Variants in SEMA6A observed in about 807,000 individuals in gnomAD.
SEMA6A encodes the protein semaphorin-6A.
A neutral mutation model predicts 96.8 loss-of-function variants in SEMA6A; 25 were observed. The observed-to-expected ratio is 0.26, with a 90% CI of 0.19 to 0.36. The LOEUF is 0.36. Among genes scored for constraint, SEMA6A ranks in the 10% least tolerant of loss-of-function variants. SEMA6A has a pLI of 1.00. For missense variants in SEMA6A, 1,363 were observed against 1,323.1 expected (o/e 1.03, Z -0.47); for synonymous variants, 612 against 518.0 (o/e 1.18, Z -2.46).
intron 12 of SEMA6A, among the ~76,000 whole-genome samples, chr5:116,479,781 C>G (rs1487788050): frequency 6.6e-6 from 1 of 152,180 alleles, no homozygotes; most frequent in Non-Finnish European, 1.5e-5. Context: ...GTAATCATTT[C>G]CAACCAATCA....
At chr5:116,517,283 T>TA (rs1758714497) in intron 1 of SEMA6A, among the ~76,000 whole-genome samples, 1 of 144,218 alleles carries the variant, frequency 6.9e-6, no homozygotes, top group Non-Finnish European at 1.5e-5. Flanking sequence ...TTCCAAAATC[T>TA]AAAAAATTTC....
intron 17 of SEMA6A, 21 bp from the exon 18 acceptor site, chr5:116,467,768 G>T: frequency 6.2e-7 from 1 of 1,612,582 alleles, no homozygotes; most frequent in African/African-American, 1.3e-5. Flanking sequence ...CACAAATACA[G>T]TTAGGAAAAC....
rs558897754 is a variant in SEMA6A at position 116,491,757 on chromosome 5, T to C, written c.518A>G (p.Asn173Ser). The C allele has an allele frequency of 6.2e-7, 1 of 1,613,710 alleles. No individual in the cohort carries two copies. Among genetic ancestry groups the C allele is most frequent in the African/African-American group, 1.3e-5 (1 of 75,024 alleles). The change falls in exon 7 of 19, where the codon AAC becomes AGC. Residue 173 changes from asparagine to serine, a missense_variant. Coordinates refer to ENST00000343348, the MANE Select transcript of SEMA6A (RefSeq NM_020796.5). ...TCGCTTACCTGCAAACAGTGCAACG[T>C]TGGCATGTTTGGCATCATATGGGCA... ...ARCPYDAKHA[N>S]VALFADGKLY...
intron 1 of SEMA6A, among the ~76,000 whole-genome samples, chr5:116,547,896 A>G (rs1449110623): frequency 6.6e-6 from 1 of 152,184 alleles, no homozygotes; most frequent in Non-Finnish European, 1.5e-5. Context: ...GAGAGGAGCT[A>G]AAGTGCTTTT....
At chr5:116,490,347 C>G (rs1249014573) in intron 7 of SEMA6A, among the ~76,000 whole-genome samples, 1 of 152,010 alleles carries the variant, frequency 6.6e-6, no homozygotes, top group South Asian at 2.1e-4. Flanking sequence ...TCCTATAGCC[C>G]CGCCTTGGCC....
At chr5:116,475,835 G>C (rs1010067700) in intron 15 of SEMA6A, among the ~76,000 whole-genome samples, 5 of 152,128 alleles carry the variant, frequency 3.3e-5, no homozygotes, top group Admixed American at 2.6e-4. Context: ...ATATTATTCA[G>C]GGAGATAATT....
At chr5:116,556,575 G>A (rs1760615407) in intron 1 of SEMA6A, among the ~76,000 whole-genome samples, 1 of 152,102 alleles carries the variant, frequency 6.6e-6, no homozygotes. Context: ...TGAATATGAG[G>A]CACAGAGATG....
intron 1 of SEMA6A, among the ~76,000 whole-genome samples, chr5:116,555,923 A>G (rs1760588232): frequency 6.6e-6 from 1 of 152,184 alleles, no homozygotes; most frequent in Non-Finnish European, 1.5e-5. Context: ...TGTGTTTCCA[A>G]ATACACAATC....
In SEMA6A at chr5:116,488,877, T is replaced by G; in HGVS notation, c.655+11A>C. ...CCCCTCCGACCCTCCTTCTTTTAAT[T>G]GTTTGTTCACCTTTCAACCATTTTG... is the stretch of plus-strand genomic sequence containing the variant. On this transcript the variant is annotated intron_variant, in intron 8 of 18. Coordinates refer to ENST00000343348, the MANE Select transcript of SEMA6A (RefSeq NM_020796.5). The G allele has an allele frequency of 6.4e-6, 10 of 1,554,218 alleles. No homozygotes were observed. The highest frequency in any genetic ancestry group is 7.8e-6 in the Non-Finnish European group (9 of 1,148,046).
At chr5:116,548,091 T>C (rs1173082631) in intron 1 of SEMA6A, among the ~76,000 whole-genome samples, 1 of 152,144 alleles carries the variant, frequency 6.6e-6, no homozygotes, top group Non-Finnish European at 1.5e-5. Flanking sequence ...CACTTTGGGG[T>C]TGACCAGTCT....
chr5:116,495,703 G>A (rs183882179), intron 5 of SEMA6A, 189 bp from the exon 6 acceptor site: 71 of 535,940 alleles, frequency 1.3e-4, no homozygotes, highest in Non-Finnish European at 1.9e-4. Flanking sequence ...CTCTTTCAAC[G>A]TAAATAAAAA....
intron 1 of SEMA6A, among the ~76,000 whole-genome samples, chr5:116,551,351 C>CACACACAT (rs929415009): frequency 1.3e-5 from 2 of 151,398 alleles, no homozygotes; most frequent in Non-Finnish European, 3.0e-5. Flanking sequence ...CACACACACA[C>CACACACAT]ATTCTCTTTG....
At chr5:116,574,089 C>T (rs1561544692) in intron 1 of SEMA6A, 96 bp downstream of exon 1, 1 of 152,396 alleles carries the variant, frequency 6.6e-6, no homozygotes, top group Non-Finnish European at 1.5e-5. Context: ...GCAGGCACCA[C>T]AAAGCCGACA....
Position 116,447,381 on chromosome 5 carries a change from G to C in SEMA6A, c.2325C>G (p.Arg775=). 1 of 1,614,018 alleles carries C rather than the reference G, an allele frequency of 6.2e-7. No homozygotes were observed. Among genetic ancestry groups the C allele is most frequent in the Non-Finnish European group, 8.5e-7 (1 of 1,179,902 alleles). ...QQKRKPSRGS[R]EWERNQNLIN... ...TGAGGTTCTGGTTCCTCTCCCACTCGCGGCTGCCGCGGCTGGGCTTCCGCT... is the reference window on the plus strand; with the variant it reads ...TGAGGTTCTGGTTCCTCTCCCACTCCCGGCTGCCGCGGCTGGGCTTCCGCT... Residue 775 remains arginine (R), a synonymous_variant, in exon 19 of 19, where the codon CGC becomes CGG. Coordinates refer to ENST00000343348, the MANE Select transcript of SEMA6A (RefSeq NM_020796.5).
In SEMA6A at chr5:116,447,625, G is replaced by C; in HGVS notation, c.2081C>G (p.Ser694Trp). The C allele has an allele frequency of 6.2e-7, 1 of 1,614,012 alleles. No individual in the cohort carries two copies. The highest frequency in any genetic ancestry group is 8.5e-7 in the Non-Finnish European group (1 of 1,179,886). ...GACGCTGCTCATGGAGCCCCGGCGC[G>C]AGTGGGTGAGCTCCTTCTCCTTGCG... ...VQRKEKELTH[S>W]RRGSMSSVTK... The change falls in exon 19 of 19, where the codon TCG becomes TGG. Residue 694 changes from serine (S) to tryptophan (W), a missense_variant. By Grantham distance (177) the Ser-to-Trp change is radical. Transcript: ENST00000343348.
intron 3 of SEMA6A, among the ~76,000 whole-genome samples, chr5:116,501,075 G>GA (rs767490922): frequency 3.9e-5 from 6 of 152,122 alleles, no homozygotes; most frequent in Admixed American, 2.0e-4. Context: ...GTAGAGCCAG[G>GA]AAAGACCACA....
chr5:116,486,488 T>C (rs1047030419), intron 10 of SEMA6A, among the ~76,000 whole-genome samples: 8 of 152,166 alleles, frequency 5.3e-5, no homozygotes, highest in Non-Finnish European at 1.2e-4. Flanking sequence ...AAATAACACA[T>C]AAAAAGTGTT....
At position 116,488,166 on chromosome 5, in the gene SEMA6A, C is replaced by G. The variant is rs752444062; in HGVS notation, c.686G>C (p.Gly229Ala). The G allele has an allele frequency of 3.7e-5, 60 of 1,611,758 alleles. No individual in the cohort carries two copies. The highest frequency in any genetic ancestry group is 4.3e-5 in the Non-Finnish European group (51 of 1,178,870). Residue 229 changes from glycine (G) to alanine (A), a missense_variant, in exon 9 of 19, where the codon GGA becomes GCA. By Grantham distance (60) the Gly-to-Ala change is moderately conservative. Coordinates refer to ENST00000343348, the MANE Select transcript of SEMA6A (RefSeq NM_020796.5). ...CCTGAAGAAGAAGTAGATATAATCT[C>G]CGTAATCCACGGCTTGAACAAAGTA... ...EPYFVQAVDYGDYIYFFFREI... is the reference protein window; with the variant it reads ...EPYFVQAVDYADYIYFFFREI...
intron 1 of SEMA6A, among the ~76,000 whole-genome samples, chr5:116,545,584 C>T (rs1252946635): frequency 6.6e-6 from 1 of 152,098 alleles, no homozygotes; most frequent in African/African-American, 2.4e-5. Flanking sequence ...AAAAAAATTG[C>T]TTCCCTCCTT....
Sources: allele counts gnomAD v4.1 joint callset (sites outside exome capture counted in the v4.1 genomes callset), GRCh38; gene constraint gnomAD v4.1.1; transcripts MANE v1.5; gene names NCBI Gene and HGNC (gene_info 2026-07-23, HGNC 2026-07-21).